FBXO31: variants seen among roughly 807,000 people sequenced by gnomAD.
FBXO31 encodes F-box only protein 31.
A neutral mutation model predicts 54.4 loss-of-function variants in FBXO31; 24 were observed. That is an observed-to-expected ratio of 0.44 (90% confidence interval 0.32 to 0.62). The LOEUF (loss-of-function observed/expected upper bound fraction) is 0.62. Among genes scored for constraint, FBXO31 ranks in the 20% least tolerant of loss-of-function variants. The probability of loss-of-function intolerance (pLI) is 0.05; values close to 1 mark genes in which losing one functional copy is unlikely to be tolerated. For synonymous variants in FBXO31, 388 were observed against 335.6 expected (o/e 1.16, Z -1.71); for missense variants, 665 against 787.1 (o/e 0.84, Z 1.86).
At chr16:87,364,211 G>A (rs9923583) in intron 1 of FBXO31, among the ~76,000 whole-genome samples, 3,880 of 152,296 alleles carry the variant, frequency 0.025, 164 homozygotes, top group African/African-American at 0.09. Context: ...ACTCCACCAG[G>A]CCATGGAGCT....
intron 1 of FBXO31, among the ~76,000 whole-genome samples, chr16:87,361,878 A>C (rs1248433497): frequency 6.6e-6 from 1 of 152,122 alleles, no homozygotes; most frequent in Admixed American, 6.5e-5. Flanking sequence ...CCCTGCCTCC[A>C]CTTCTGAACC....
chr16:87,337,312 C>G (rs1905067661), intron 5 of FBXO31, among the ~76,000 whole-genome samples: 1 of 152,172 alleles, frequency 6.6e-6, no homozygotes, highest in Non-Finnish European at 1.5e-5. Flanking sequence ...ACAGAGATGC[C>G]ACGTGTGGGG....
At chr16:87,366,935 T>C (rs1269259720) in intron 1 of FBXO31, among the ~76,000 whole-genome samples, 4 of 152,144 alleles carry the variant, frequency 2.6e-5, no homozygotes, top group Non-Finnish European at 5.9e-5. Context: ...CCCAGCACTT[T>C]GGGAGGCCAA....
intron 2 of FBXO31, among the ~76,000 whole-genome samples, chr16:87,349,369 G>C (rs1278746074): frequency 6.6e-6 from 1 of 152,234 alleles, no homozygotes; most frequent in Admixed American, 6.5e-5. Flanking sequence ...GAAAGGCAGG[G>C]ATTGTGGAAC....
intron 2 of FBXO31, among the ~76,000 whole-genome samples, chr16:87,356,228 CAA>C (rs562439286): frequency 2.3e-4 from 19 of 82,594 alleles, no homozygotes; most frequent in Admixed American, 2.8e-4. Flanking sequence ...GACTCCATCT[CAA>C]AAAAAAAAAA....
intron 1 of FBXO31, among the ~76,000 whole-genome samples, chr16:87,382,263 C>T (rs774325642): frequency 1.3e-5 from 2 of 152,132 alleles, no homozygotes; most frequent in African/African-American, 4.8e-5. Context: ...ATATATATTG[C>T]ATTATATCCT....
intron 1 of FBXO31, among the ~76,000 whole-genome samples, chr16:87,378,879 G>C (rs886396240): frequency 1.3e-5 from 2 of 151,054 alleles, no homozygotes; most frequent in African/African-American, 4.9e-5. Flanking sequence ...GGAGAATGGC[G>C]TGAACCCAGG....
intron 2 of FBXO31, 72 bp downstream of exon 2, chr16:87,360,219 ATTAT>A: frequency 7.3e-7 from 1 of 1,365,864 alleles, no homozygotes; most frequent in Non-Finnish European, 1.0e-6. Flanking sequence ...AATCACTTTG[ATTAT>A]TTGTCATTGA....
At chr16:87,356,111 C>A (rs1031400131) in intron 2 of FBXO31, among the ~76,000 whole-genome samples, 1 of 151,930 alleles carries the variant, frequency 6.6e-6, no homozygotes, top group Non-Finnish European at 1.5e-5. Flanking sequence ...CGCCTGGAGT[C>A]CCAGCTACTT....
chr16:87,356,554 A>T (rs1001044134), intron 2 of FBXO31, among the ~76,000 whole-genome samples: 1 of 152,164 alleles, frequency 6.6e-6, no homozygotes, highest in Non-Finnish European at 1.5e-5. Flanking sequence ...CAGTGCTGTT[A>T]GCAGGCGTGT....
chr16:87,387,749 G>C (rs1330125577), upstream of FBXO31, among the ~76,000 whole-genome samples: 1 of 152,218 alleles, frequency 6.6e-6, no homozygotes, highest in Non-Finnish European at 1.5e-5. Context: ...GGAGCTTGCA[G>C]TGAGCCGAGA....
intron 2 of FBXO31, among the ~76,000 whole-genome samples, chr16:87,350,143 G>C (rs968262967): frequency 6.6e-6 from 1 of 152,044 alleles, no homozygotes; most frequent in South Asian, 2.1e-4. Flanking sequence ...GGCAGTGGGG[G>C]CCATGGGGGT....
chr16:87,375,763 T>G (rs1476523520), intron 1 of FBXO31, among the ~76,000 whole-genome samples: 3 of 152,094 alleles, frequency 2.0e-5, no homozygotes, highest in African/African-American at 7.2e-5. Context: ...TGGTTTTGTT[T>G]CCTATCCGGA....
intron 1 of FBXO31, among the ~76,000 whole-genome samples, chr16:87,376,129 A>C (rs529991134): frequency 1.3e-5 from 2 of 152,264 alleles, no homozygotes; most frequent in African/African-American, 4.8e-5. Context: ...AAGAGCCTTA[A>C]ACACGCAAGC....
intron 2 of FBXO31, among the ~76,000 whole-genome samples, chr16:87,350,066 C>G (rs1241559107): frequency 6.6e-6 from 1 of 152,166 alleles, no homozygotes; most frequent in Non-Finnish European, 1.5e-5. Flanking sequence ...GTCTGCTGTC[C>G]TGCACCTGTA....
At chr16:87,332,812 C>A (rs1471927119) in intron 8 of FBXO31, among the ~76,000 whole-genome samples, 1 of 152,114 alleles carries the variant, frequency 6.6e-6, no homozygotes, top group Non-Finnish European at 1.5e-5. Flanking sequence ...AGACACATAG[C>A]AGCATACGCA....
intron 2 of FBXO31, among the ~76,000 whole-genome samples, chr16:87,348,343 T>C (rs757979595): frequency 6.6e-6 from 1 of 152,236 alleles, no homozygotes; most frequent in Non-Finnish European, 1.5e-5. Flanking sequence ...AAATGCCTGA[T>C]GAAGTCTGCC....
Position 87,328,614 on chromosome 16 carries a change from C to G in FBXO31, c.*2674G>C, listed in dbSNP as rs1180594151. On this transcript the variant is annotated 3_prime_UTR_variant, in exon 9 of 9. Transcript: ENST00000311635. ...CATGCAAATGAACATTCAGTGCCGGCACAGAAAAGCCTCCAATGACCTCTC... is the reference window on the plus strand; with the variant it reads ...CATGCAAATGAACATTCAGTGCCGGGACAGAAAAGCCTCCAATGACCTCTC... 6.6e-6 allele frequency: 1 copy of G among 152,264 alleles called. No individual in the cohort carries two copies. The highest frequency in any genetic ancestry group is 2.4e-5 in the African/African-American group (1 of 41,460). 9.4% of individuals were successfully genotyped at this position (152,264 alleles called of 1,614,324 possible).
At chr16:87,369,602 T>C (rs971591398) in intron 1 of FBXO31, among the ~76,000 whole-genome samples, 1 of 152,224 alleles carries the variant, frequency 6.6e-6, no homozygotes, top group Non-Finnish European at 1.5e-5. Context: ...TGGCTCCGCC[T>C]TTTGGCTACT....
Sources: allele counts gnomAD v4.1 joint callset (sites outside exome capture counted in the v4.1 genomes callset), GRCh38; gene constraint gnomAD v4.1.1; transcripts MANE v1.5; gene names NCBI Gene and HGNC (gene_info 2026-07-23, HGNC 2026-07-21).